Variants in RAD51B observed in about 807,000 individuals in gnomAD.
RAD51B encodes the protein RAD51 paralog B.
A neutral mutation model predicts 42.2 loss-of-function variants in RAD51B; 38 were observed. The observed-to-expected ratio is 0.90, with a 90% confidence interval of 0.70 to 1.18. RAD51B has a LOEUF of 1.18. Ranked by LOEUF, RAD51B falls within the 50% of genes most tolerant of loss-of-function variation. The pLI, the probability that RAD51B is intolerant of heterozygous loss-of-function variation, is 0.00. For missense variants in RAD51B, 373 were observed against 400.7 expected (o/e 0.93, Z 0.59); for synonymous variants, 154 against 145.2 (o/e 1.06, Z -0.43).
chr14:68,619,473 G>GA (rs1012100748), intron 10 of RAD51B, among the ~76,000 whole-genome samples: 53 of 132,782 alleles, frequency 4.0e-4, no homozygotes, highest in Non-Finnish European at 8.0e-4. Flanking sequence ...AAAAAAAAAA[G>GA]AAAAAAAAAA....
chr14:68,603,872 G>A (rs942970632), intron 10 of RAD51B, among the ~76,000 whole-genome samples: 2 of 152,198 alleles, frequency 1.3e-5, no homozygotes, highest in African/African-American at 2.4e-5. Context: ...CGTGCCAGAC[G>A]ACCAACACCC....
chr14:67,965,836 G>C (rs900274556), intron 7 of RAD51B, among the ~76,000 whole-genome samples: 1 of 152,056 alleles, frequency 6.6e-6, no homozygotes, highest in African/African-American at 2.4e-5. Context: ...TTTACAAAGA[G>C]TACTCTTGAC....
intron 7 of RAD51B, among the ~76,000 whole-genome samples, chr14:67,889,325 T>TAAA (rs10639894): frequency 2.4e-4 from 33 of 139,922 alleles, no homozygotes; most frequent in African/African-American, 7.7e-4. Context: ...GAGATTTAAT[T>TAAA]AAAAAAAAAA....
At chr14:68,676,230 C>T (rs765554860) in intron 11 of RAD51B, among the ~76,000 whole-genome samples, 3 of 152,086 alleles carry the variant, frequency 2.0e-5, no homozygotes, top group East Asian at 1.9e-4. Flanking sequence ...ACTTTAGAGA[C>T]GAGGAAACCT....
chr14:68,502,547 G>A (rs1338751690), intron 10 of RAD51B, among the ~76,000 whole-genome samples: 1 of 152,210 alleles, frequency 6.6e-6, no homozygotes, highest in Non-Finnish European at 1.5e-5. Context: ...AAAGAAAAGG[G>A]AGGGAATCAA....
At chr14:68,184,017 TG>T (rs1267195995) in intron 7 of RAD51B, among the ~76,000 whole-genome samples, 2 of 144,414 alleles carry the variant, frequency 1.4e-5, no homozygotes, top group Admixed American at 7.2e-5. Flanking sequence ...GGCATGAACC[TG>T]GGAGACAGAG....
At chr14:67,871,900 A>G (rs199731412) in intron 5 of RAD51B, among the ~76,000 whole-genome samples, 48,053 of 151,716 alleles carry the variant, frequency 0.32, 8,201 homozygotes, top group Middle Eastern at 0.46. Flanking sequence ...CTTCATGCTA[A>G]AAACTCTCAA....
intron 7 of RAD51B, among the ~76,000 whole-genome samples, chr14:68,087,875 T>TATAATATA (rs2077012268): frequency 2.5e-5 from 2 of 81,172 alleles, no homozygotes; most frequent in African/African-American, 1.4e-4. Context: ...TAATATATTA[T>TATAATATA]TTATATAATT....
chr14:68,424,720 C>G (rs2084791137), intron 9 of RAD51B, among the ~76,000 whole-genome samples: 1 of 152,214 alleles, frequency 6.6e-6, no homozygotes, highest in Non-Finnish European at 1.5e-5. Flanking sequence ...CTGAGTCTGT[C>G]AGCATTTGAT....
chr14:68,333,396 A>C (rs538625780), intron 8 of RAD51B, among the ~76,000 whole-genome samples: 1 of 152,316 alleles, frequency 6.6e-6, no homozygotes, highest in African/African-American at 2.4e-5. Context: ...AAAAACCCTA[A>C]ATGTTGGTGA....
chr14:68,561,479 T>A (rs1889144635), intron 10 of RAD51B, among the ~76,000 whole-genome samples: 1 of 152,142 alleles, frequency 6.6e-6, no homozygotes, highest in Non-Finnish European at 1.5e-5. Flanking sequence ...AGAGCACCGC[T>A]GGGGACACTT....
At chr14:68,328,242 C>G (rs1052517142) in intron 8 of RAD51B, among the ~76,000 whole-genome samples, 2 of 152,176 alleles carry the variant, frequency 1.3e-5, no homozygotes, top group African/African-American at 4.8e-5. Flanking sequence ...AACAATTTCT[C>G]TAATTCTTAG....
intron 8 of RAD51B, among the ~76,000 whole-genome samples, chr14:68,296,134 A>G (rs1017422380): frequency 6.6e-6 from 1 of 152,172 alleles, no homozygotes; most frequent in African/African-American, 2.4e-5. Context: ...CCCACTCTGT[A>G]AATCAGAATT....
chr14:68,408,957 A>G (rs141050818), intron 8 of RAD51B, among the ~76,000 whole-genome samples: 17 of 152,228 alleles, frequency 1.1e-4, no homozygotes, highest in African/African-American at 3.1e-4. Flanking sequence ...GTCAGTTACT[A>G]AATCTATAGA....
At chr14:68,111,265 G>A (rs1231202188) in intron 7 of RAD51B, among the ~76,000 whole-genome samples, 1 of 151,958 alleles carries the variant, frequency 6.6e-6, no homozygotes, top group African/African-American at 2.4e-5. Flanking sequence ...TTCACAGTAT[G>A]CTTGTGCATG....
chr14:68,232,811 C>G (rs558156673), intron 7 of RAD51B, among the ~76,000 whole-genome samples: 1 of 152,188 alleles, frequency 6.6e-6, no homozygotes, highest in Non-Finnish European at 1.5e-5. Flanking sequence ...AGCTTTTACT[C>G]ACAGGATGGC....
At chr14:68,680,793 A>G (rs536819853) in intron 11 of RAD51B, among the ~76,000 whole-genome samples, 16 of 152,278 alleles carry the variant, frequency 1.1e-4, no homozygotes, top group Admixed American at 7.2e-4. Flanking sequence ...TCTGAACTCA[A>G]TTCAGATACC....
At chr14:68,574,075 G>T (rs1594987644) in intron 10 of RAD51B, among the ~76,000 whole-genome samples, 1 of 151,702 alleles carries the variant, frequency 6.6e-6, no homozygotes. Flanking sequence ...GCAAGCTGAG[G>T]GTGAGAAATA....
chr14:68,081,644 C>T (rs1374795014), intron 7 of RAD51B, among the ~76,000 whole-genome samples: 1 of 152,160 alleles, frequency 6.6e-6, no homozygotes, highest in Non-Finnish European at 1.5e-5. Flanking sequence ...TGAATGAGAG[C>T]TCTGAAGGAA....
Sources: allele counts gnomAD v4.1 joint callset (sites outside exome capture counted in the v4.1 genomes callset), GRCh38; gene constraint gnomAD v4.1.1; transcripts MANE v1.5; gene names NCBI Gene and HGNC (gene_info 2026-07-23, HGNC 2026-07-21).